The following ERI3 variants were observed in gnomAD, a reference collection of about 807,000 sequenced individuals.
The protein encoded by ERI3 is ERI1 exoribonuclease 3.
A neutral mutation model predicts 44.4 loss-of-function variants in ERI3; 18 were observed. That is an observed-to-expected ratio of 0.41 (90% CI 0.28 to 0.60). The LOEUF is 0.60. Ranked by LOEUF, ERI3 falls within the 20% of genes least tolerant of loss-of-function variation. ERI3 has a pLI of 0.36. For synonymous variants in ERI3, 183 were observed against 164.8 expected, an observed-to-expected ratio of 1.11 and a Z score of -0.84; for missense variants, 294 against 435.5, an observed-to-expected ratio of 0.68 and a Z score of 2.89.
intron 7 of ERI3, chr1:44,284,003 TCTC>T (rs1645341474): frequency 4.2e-6 from 2 of 470,722 alleles, no homozygotes; most frequent in South Asian, 3.1e-5. Flanking sequence ...CCCGGTGTGT[TCTC>T]CTTTCTCTGA....
At chr1:44,272,326 T>C (rs981749438) in intron 7 of ERI3, among the ~76,000 whole-genome samples, 1 of 152,156 alleles carries the variant, frequency 6.6e-6, no homozygotes, top group Non-Finnish European at 1.5e-5. Flanking sequence ...AGAGAGGGAC[T>C]TGCTCCAGAC....
chr1:44,318,377 C>G (rs1646133406), intron 4 of ERI3, among the ~76,000 whole-genome samples: 1 of 152,186 alleles, frequency 6.6e-6, no homozygotes, highest in African/African-American at 2.4e-5. Context: ...GAATTTTCAT[C>G]ATCATTAAAA....
chr1:44,308,628 G>A (rs1028703439), intron 5 of ERI3, among the ~76,000 whole-genome samples: 14 of 152,038 alleles, frequency 9.2e-5, no homozygotes, highest in Admixed American at 2.6e-4. Context: ...GTAGCCGGAG[G>A]GAGCCCCTAC....
chr1:44,288,938 G>GC (rs1292159978), intron 6 of ERI3, among the ~76,000 whole-genome samples: 1 of 152,228 alleles, frequency 6.6e-6, no homozygotes, highest in African/African-American at 2.4e-5. Context: ...CTGGCAGTGG[G>GC]CCCTGGACTA....
chr1:44,321,460 C>A (rs1249956088), intron 3 of ERI3, among the ~76,000 whole-genome samples: 1 of 152,158 alleles, frequency 6.6e-6, no homozygotes, highest in African/African-American at 2.4e-5. Flanking sequence ...TTCCCTGGAC[C>A]TTCTGTTCCC....
intron 8 of ERI3, among the ~76,000 whole-genome samples, chr1:44,229,735 TGGAAGC>T (rs1644131895): frequency 6.7e-6 from 1 of 149,486 alleles, no homozygotes; most frequent in East Asian, 2.0e-4. Flanking sequence ...TTCCAAGGCC[TGGAAGC>T]GGGAGCGGAG....
chr1:44,322,722 T>C, intron 3 of ERI3: 1 of 1,548,066 alleles, frequency 6.5e-7, no homozygotes, highest in Non-Finnish European at 8.7e-7. Flanking sequence ...AGGTACTTCT[T>C]ACCATCCCAT....
intron 7 of ERI3, among the ~76,000 whole-genome samples, chr1:44,248,404 C>A (rs960174711): frequency 2.6e-5 from 4 of 152,174 alleles, no homozygotes; most frequent in African/African-American, 9.7e-5. Flanking sequence ...TCCGGAGCCC[C>A]CAGCACTTTG....
intron 1 of ERI3, chr1:44,353,340 C>T: frequency 1.0e-6 from 1 of 985,404 alleles, no homozygotes; most frequent in Non-Finnish European, 1.2e-6. Flanking sequence ...CTGAAAATGG[C>T]CACATAGACT....
At chr1:44,313,090 G>T in intron 5 of ERI3, 79 bp downstream of exon 5, 1 of 1,227,716 alleles carries the variant, frequency 8.1e-7, no homozygotes, top group Non-Finnish European at 1.2e-6. Context: ...AAATTACACG[G>T]CTACATTCTC....
intron 7 of ERI3, among the ~76,000 whole-genome samples, chr1:44,273,440 T>C (rs187884395): frequency 1.3e-5 from 2 of 152,340 alleles, no homozygotes; most frequent in African/African-American, 2.4e-5. Context: ...GTTTCTTCAT[T>C]TCTCTAAGTT....
Position 44,221,880 on chromosome 1 carries a change from C to T in ERI3, c.932-240G>A, listed in dbSNP as rs116847100. 0.011 allele frequency among the ~76,000 whole-genome samples: 1,719 copies of T among 152,244 alleles called. 67 individuals are homozygous for T. The highest frequency in any genetic ancestry group is 0.056 in the Admixed American group (859 of 15,294). ...TCCATAATTCATGCTGGAAATTGGC[C>T]GGCATGTCCCGCCCCAGCCCCAGCG... On this transcript the variant is annotated intron_variant, in intron 8 of 8. Coordinates refer to ENST00000372257, the MANE Select transcript of ERI3 (RefSeq NM_024066.3). This position sits in a 1 kb window ranked among gnomAD's most constrained non-coding sequence, Gnocchi z 5.9.
At chr1:44,335,961 C>A (rs1183193022) in intron 3 of ERI3, among the ~76,000 whole-genome samples, 1 of 152,122 alleles carries the variant, frequency 6.6e-6, no homozygotes. Context: ...AAACTTCTTT[C>A]TTTTTTGTCC....
At chr1:44,253,399 C>A (rs571203829) in intron 7 of ERI3, among the ~76,000 whole-genome samples, 12 of 152,370 alleles carry the variant, frequency 7.9e-5, no homozygotes, top group Admixed American at 5.9e-4. Flanking sequence ...CCACTGCTAC[C>A]TCCAGATATT....
intron 3 of ERI3, among the ~76,000 whole-genome samples, chr1:44,335,541 C>T (rs1212399960): frequency 6.6e-6 from 1 of 151,926 alleles, no homozygotes; most frequent in Non-Finnish European, 1.5e-5. Context: ...GGGTGGATCA[C>T]CTGAGGTGGG....
rs553267966 is a variant in ERI3 at position 44,259,785 on chromosome 1, TG to T, written c.832-11748del. 2.7e-3 allele frequency among the ~76,000 whole-genome samples: 407 copies of T among 150,380 alleles called. 1 individual carries two copies. Among genetic ancestry groups the T allele is most frequent in the Admixed American group, 6.1e-3 (92 of 15,076 alleles). ...TAGTTACTAGGGAGGCTAAGGTGAG[TG>T]GGAGAATCCCTTAAGCCCAGGGGGT... On this transcript the variant is annotated intron_variant, in intron 7 of 8. Coordinates refer to ENST00000372257, the MANE Select transcript of ERI3 (RefSeq NM_024066.3).
intron 7 of ERI3, among the ~76,000 whole-genome samples, chr1:44,272,595 A>T (rs1277696283): frequency 6.6e-6 from 1 of 152,106 alleles, no homozygotes; most frequent in Non-Finnish European, 1.5e-5. Context: ...TAATCCCAGC[A>T]CTTTGGGAGG....
chr1:44,290,079 G>A (rs1645474084), intron 6 of ERI3, among the ~76,000 whole-genome samples: 1 of 152,200 alleles, frequency 6.6e-6, no homozygotes, highest in South Asian at 2.1e-4. Context: ...TGAAGAGGAG[G>A]GAGACCAGCA....
intron 6 of ERI3, among the ~76,000 whole-genome samples, chr1:44,287,892 C>T (rs1291229358): frequency 6.6e-6 from 1 of 152,172 alleles, no homozygotes; most frequent in African/African-American, 2.4e-5. Context: ...GGGGACTGGC[C>T]AGCAAAAGGC....
Sources: allele counts gnomAD v4.1 joint callset (sites outside exome capture counted in the v4.1 genomes callset), GRCh38; gene constraint gnomAD v4.1.1; non-coding constraint Gnocchi (gnomAD v3.1); transcripts MANE v1.5; gene names NCBI Gene and HGNC (gene_info 2026-07-23, HGNC 2026-07-21).